ERI3: variants seen among roughly 807,000 people sequenced by gnomAD.
ERI3 encodes ERI1 exoribonuclease family member 3.
A neutral mutation model predicts 44.4 loss-of-function variants in ERI3; 18 were observed. The ratio of observed to expected loss-of-function variants is 0.41; its 90% CI spans 0.28 to 0.60. The LOEUF is 0.60. Among genes scored for constraint, ERI3 ranks in the 20% least tolerant of loss-of-function variants. The pLI is 0.36. For missense variants in ERI3, 294 were observed against 435.5 expected (o/e 0.68, Z 2.89); for synonymous variants, 183 against 164.8 (o/e 1.11, Z -0.84).
At chr1:44,266,869 G>C (rs1644999894) in intron 7 of ERI3, among the ~76,000 whole-genome samples, 1 of 152,224 alleles carries the variant, frequency 6.6e-6, no homozygotes, top group African/African-American at 2.4e-5. Context: ...GCACAGGGCA[G>C]GTCCTCAATC....
At position 44,306,766 on chromosome 1, in the gene ERI3, A is replaced by G. The variant is rs928345021; in HGVS notation, c.758+1544T>C. Among the ~76,000 whole-genome samples, 3 of 152,374 alleles carry G rather than the reference A, an allele frequency of 2.0e-5. No individual in the cohort carries two copies. The East Asian group carries it at 5.8e-4, about 29-fold the overall frequency. ...AGGTGAAGACGCCAAAGAGAGAACA[A>G]CACTGGATGAAGGGAGTCCTGGTGA... On this transcript the variant is annotated intron_variant, in intron 6 of 8. Transcript: ENST00000372257.
At position 44,307,577 on chromosome 1, in the gene ERI3, A is replaced by T. The variant is rs1040691517; in HGVS notation, c.758+733T>A. 2.6e-5 allele frequency among the ~76,000 whole-genome samples: 4 copies of T among 152,238 alleles called. No homozygotes were observed. In the South Asian group the frequency reaches 6.2e-4, roughly 24 times the overall value. On this transcript the variant is annotated intron_variant, in intron 6 of 8. Transcript: ENST00000372257. ...GGGGGCCATCTGAAGCCATGTATCC[A>T]TGAGGGCAGACAAGATGCACAAGTG...
intron 6 of ERI3, among the ~76,000 whole-genome samples, chr1:44,307,534 A>G (rs1645864744): frequency 6.6e-6 from 1 of 152,120 alleles, no homozygotes. Context: ...CACCACCTCC[A>G]TCCCACTTCG....
intron 1 of ERI3, chr1:44,354,090 G>C (rs764240781): frequency 3.1e-5 from 31 of 985,306 alleles, no homozygotes; most frequent in African/African-American, 5.2e-5. Flanking sequence ...AGCAGAATTT[G>C]ATGAAGCCAA....
At chr1:44,296,312 C>T (rs985675512) in intron 6 of ERI3, among the ~76,000 whole-genome samples, 4 of 152,122 alleles carry the variant, frequency 2.6e-5, no homozygotes, top group Admixed American at 6.5e-5. Context: ...GACTCCCATC[C>T]CTGGATAAAT....
chr1:44,349,647 A>C (rs1646852342), intron 2 of ERI3, among the ~76,000 whole-genome samples: 1 of 152,218 alleles, frequency 6.6e-6, no homozygotes, highest in Non-Finnish European at 1.5e-5. Flanking sequence ...AAGTCACCCA[A>C]ATACTGGCTG....
chr1:44,230,921 A>G (rs1221963116), intron 8 of ERI3, among the ~76,000 whole-genome samples: 2 of 152,214 alleles, frequency 1.3e-5, no homozygotes, highest in Non-Finnish European at 2.9e-5. Flanking sequence ...CTTGTTTCTG[A>G]CAATAACAAT....
rs35475844 is a variant in ERI3, at chr1:44,324,476, C to CTTTTTTT, written c.490-4739_490-4733dup. Reference sequence around the variant, plus strand: ...CCAAGGGTTTCCTGCAACATAGACTCTTTTTTTTTTTTTTTTTTTTTTTGA... The same window carrying CTTTTTTT: ...CCAAGGGTTTCCTGCAACATAGACTCTTTTTTTTTTTTTTTTTTTTTTTTTTTTTTGA... On this transcript the variant is annotated intron_variant, in intron 3 of 8. Coordinates refer to ENST00000372257, the MANE Select transcript of ERI3 (RefSeq NM_024066.3). Among the ~76,000 whole-genome samples the CTTTTTTT allele has an allele frequency of 5.5e-5, 5 of 90,462 alleles. 1 individual carries two copies. Among genetic ancestry groups the CTTTTTTT allele is most frequent in the East Asian group, 3.6e-4 (1 of 2,742 alleles). The allele number at this position is 90,462 out of a possible 152,430, so 59.3% of individuals were successfully genotyped here.
At chr1:44,289,846 G>C (rs746200185) in intron 6 of ERI3, among the ~76,000 whole-genome samples, 37 of 152,262 alleles carry the variant, frequency 2.4e-4, no homozygotes, top group South Asian at 4.1e-4. Context: ...AGGCAGATGT[G>C]GGGGAGAGCT....
intron 1 of ERI3, chr1:44,354,038 C>G: frequency 1.0e-6 from 1 of 985,334 alleles, no homozygotes; most frequent in Non-Finnish European, 1.2e-6. Flanking sequence ...AAGCAAGAAC[C>G]CACTAAAACA....
intron 6 of ERI3, among the ~76,000 whole-genome samples, chr1:44,290,614 C>T (rs1471380919): frequency 1.3e-5 from 2 of 152,172 alleles, no homozygotes; most frequent in Non-Finnish European, 1.5e-5. Context: ...TGATTTGAGT[C>T]GGTATCCAGC....
intron 4 of ERI3, among the ~76,000 whole-genome samples, chr1:44,318,069 A>G (rs1016611078): frequency 6.6e-6 from 1 of 152,162 alleles, no homozygotes; most frequent in Non-Finnish European, 1.5e-5. Flanking sequence ...CTTTCTAGAG[A>G]GAAGAAACTG....
chr1:44,310,963 G>GCACACACACA (rs58344074), intron 5 of ERI3, among the ~76,000 whole-genome samples: 2 of 123,192 alleles, frequency 1.6e-5, no homozygotes, highest in Non-Finnish European at 3.4e-5. Flanking sequence ...GCGCGCGCGC[G>GCACACACACA]CACACACACA....
intron 7 of ERI3, 33 bp downstream of exon 7, chr1:44,284,802 G>A (rs371899623): frequency 8.9e-6 from 14 of 1,574,768 alleles, no homozygotes; most frequent in Non-Finnish European, 1.1e-5. Flanking sequence ...AGAGCACCAG[G>A]GGAAGCACCC....
chr1:44,318,257 C>A (rs1344455538), intron 4 of ERI3, among the ~76,000 whole-genome samples: 2 of 152,176 alleles, frequency 1.3e-5, no homozygotes, highest in Non-Finnish European at 2.9e-5. Context: ...AAAATTTGGG[C>A]CTGCCTGTCT....
At chr1:44,258,446 G>A (rs935040711) in intron 7 of ERI3, among the ~76,000 whole-genome samples, 1 of 152,112 alleles carries the variant, frequency 6.6e-6, no homozygotes, top group African/African-American at 2.4e-5. Context: ...AAGAAGAAGG[G>A]TGTTCAAAAC....
At chr1:44,242,895 G>A (rs949531764) in intron 8 of ERI3, among the ~76,000 whole-genome samples, 3 of 152,228 alleles carry the variant, frequency 2.0e-5, no homozygotes, top group Non-Finnish European at 2.9e-5. Flanking sequence ...CCTCAACGAG[G>A]AGGAGGGCGG....
At chr1:44,308,945 T>G (rs1645896789) in intron 5 of ERI3, among the ~76,000 whole-genome samples, 1 of 152,240 alleles carries the variant, frequency 6.6e-6, no homozygotes, top group South Asian at 2.1e-4. Context: ...AGCCCCATCC[T>G]GACACCTGGG....
intron 5 of ERI3, among the ~76,000 whole-genome samples, chr1:44,309,859 G>A (rs556604585): frequency 2.6e-5 from 4 of 152,106 alleles, no homozygotes; most frequent in South Asian, 2.1e-4. Context: ...CACCACACCC[G>A]GCCACGAGAT....
Sources: allele counts gnomAD v4.1 joint callset (sites outside exome capture counted in the v4.1 genomes callset), GRCh38; gene constraint gnomAD v4.1.1; transcripts MANE v1.5; gene names NCBI Gene and HGNC (gene_info 2026-07-23, HGNC 2026-07-21).